The following MYO16 variants were observed in gnomAD, a reference collection of about 807,000 sequenced individuals.
MYO16 encodes myosin XVI, also known as unconventional myosin-XVI.
A neutral mutation model predicts 205.3 loss-of-function variants in MYO16; 94 were observed. That is an observed-to-expected ratio of 0.46 (90% confidence interval 0.39 to 0.54). MYO16 has a LOEUF of 0.54. MYO16 is among the 20% of genes least tolerant of loss of function. The pLI is 0.00. For synonymous variants in MYO16, 988 were observed against 954.0 expected (o/e 1.04, Z -0.66); for missense variants, 2,315 against 2,387.5 (o/e 0.97, Z 0.63).
intron 2 of MYO16, among the ~76,000 whole-genome samples, chr13:108,681,332 A>G (rs1248682596): frequency 6.6e-6 from 1 of 152,150 alleles, no homozygotes; most frequent in African/African-American, 2.4e-5. Flanking sequence ...TTTGCTCTTC[A>G]CCCTGCATGT....
chr13:108,561,303 C>A, the MYO16 span, among the ~76,000 whole-genome samples: 1 of 152,186 alleles, frequency 6.6e-6, no homozygotes, highest in Non-Finnish European at 1.5e-5. Flanking sequence ...AAGAGCATGA[C>A]TTGTTTACGT....
At chr13:108,855,334 T>C in intron 10 of MYO16, 109 bp from the exon 11 acceptor site, 1 of 476,488 alleles carries the variant, frequency 2.1e-6, no homozygotes, top group Non-Finnish European at 3.7e-6. Flanking sequence ...AGTTCCTAAC[T>C]CAGGTTGTCT....
chr13:108,693,814 A>G (rs1339186216), intron 2 of MYO16, among the ~76,000 whole-genome samples: 1 of 152,180 alleles, frequency 6.6e-6, no homozygotes, highest in Non-Finnish European at 1.5e-5. Flanking sequence ...ATCCAGGTAT[A>G]AAGCCTAGTA....
intron 34 of MYO16, among the ~76,000 whole-genome samples, chr13:109,197,007 G>A (rs1347335249): frequency 1.3e-5 from 2 of 152,064 alleles, no homozygotes; most frequent in East Asian, 1.9e-4. Flanking sequence ...TTTTTTCCGT[G>A]CCATCCCAAA....
chr13:109,051,831 G>A (rs1298209865), intron 24 of MYO16, among the ~76,000 whole-genome samples: 1 of 152,070 alleles, frequency 6.6e-6, no homozygotes, highest in Non-Finnish European at 1.5e-5. Context: ...AGCAACTGGT[G>A]CACCAAGTAA....
chr13:108,980,730 A>G (rs1350908138), intron 20 of MYO16, among the ~76,000 whole-genome samples: 4 of 152,246 alleles, frequency 2.6e-5, no homozygotes, highest in African/African-American at 9.6e-5. Flanking sequence ...AGTGGAAAAT[A>G]CATTTTCCAA....
At chr13:108,871,170 T>C (rs1383065191) in intron 12 of MYO16, among the ~76,000 whole-genome samples, 1 of 152,196 alleles carries the variant, frequency 6.6e-6, no homozygotes, top group Admixed American at 6.5e-5. Context: ...ATGATTTTTT[T>C]CAATGCTAAC....
chr13:108,536,336 G>C, the MYO16 span, among the ~76,000 whole-genome samples: 3 of 152,160 alleles, frequency 2.0e-5, no homozygotes, highest in Admixed American at 2.0e-4. Flanking sequence ...ATTCACAGTG[G>C]AATAAGTTTA....
chr13:108,535,069 T>TCTTCTTCTTCCC, the MYO16 span, among the ~76,000 whole-genome samples: 1 of 149,034 alleles, frequency 6.7e-6, no homozygotes, highest in African/African-American at 2.5e-5. Context: ...TTCTTCTTCC[T>TCTTCTTCTTCCC]CTTCTTCTTC....
Position 109,188,865 on chromosome 13 carries a change from G to A in MYO16, c.5415+9232G>A, listed in dbSNP as rs533217121. 1.4e-4 allele frequency among the ~76,000 whole-genome samples: 21 copies of A among 152,232 alleles called. No individual in the cohort carries two copies. The East Asian group carries it at 4.1e-3, about 29-fold the overall frequency. ...TCCCAGCACTTTGGGAGGCCGACTT[G>A]GGTGGATCACCTGAGGTCAGGAGTT... On this transcript the variant is annotated intron_variant, in intron 34 of 34. Coordinates refer to ENST00000457511, the MANE Select transcript of MYO16 (RefSeq NM_001198950.3).
chr13:109,140,716 C>G lies in MYO16; in HGVS notation c.4504C>G (p.Pro1502Ala). The change falls in exon 32 of 35, where the codon CCG becomes GCG. Residue 1502 changes from proline to alanine, a missense_variant. Around this residue, in one of 3 missense-constraint regions of MYO16, gnomAD observed 1,097 missense variants for 1,092.0 expected, o/e 1.00. Transcript: ENST00000457511. This position sits in a 1 kb window ranked among gnomAD's most constrained non-coding sequence, Gnocchi z 8.0. ...CCCAGGGGACGCGTGCGACATCCCG[C>G]CGCCCTTCCCCAACCTGCTGCCGCA... ...GPPGDACDIPPPFPNLLPHRP... is the reference protein window; with the variant it reads ...GPPGDACDIPAPFPNLLPHRP... 1 of 1,497,490 alleles carries G rather than the reference C, an allele frequency of 6.7e-7. No homozygotes were observed. The highest frequency in any genetic ancestry group is 8.9e-7 in the Non-Finnish European group (1 of 1,124,876). 92.8% of individuals were successfully genotyped at this position (1,497,490 alleles called of 1,614,324 possible).
At chr13:109,017,469 C>A (rs1885868566) in intron 22 of MYO16, among the ~76,000 whole-genome samples, 1 of 152,102 alleles carries the variant, frequency 6.6e-6, no homozygotes, top group African/African-American at 2.4e-5. Flanking sequence ...TGAGGAGTAT[C>A]TTTATGGTGT....
intron 2 of MYO16, among the ~76,000 whole-genome samples, chr13:108,688,878 A>C (rs1349980183): frequency 6.6e-6 from 1 of 152,218 alleles, no homozygotes; most frequent in Non-Finnish European, 1.5e-5. Flanking sequence ...GATGCAAGTC[A>C]AGTTAATGTC....
chr13:108,752,664 C>T (rs144378771), intron 4 of MYO16, among the ~76,000 whole-genome samples: 4,885 of 144,950 alleles, frequency 0.034, 278 homozygotes, highest in African/African-American at 0.12. Context: ...TTTTTTGAGA[C>T]GGAGTCTCAC....
intron 11 of MYO16, among the ~76,000 whole-genome samples, chr13:108,859,485 T>C (rs899952498): frequency 3.3e-5 from 5 of 152,102 alleles, no homozygotes; most frequent in Admixed American, 2.6e-4. Flanking sequence ...TACAGTCCGA[T>C]TTTTTTTATA....
chr13:109,009,928 G>A (rs143759280), intron 22 of MYO16, among the ~76,000 whole-genome samples: 2 of 152,168 alleles, frequency 1.3e-5, no homozygotes, highest in East Asian at 1.9e-4. Flanking sequence ...TCTTCAAACC[G>A]GCAGGACTGT....
intron 12 of MYO16, among the ~76,000 whole-genome samples, chr13:108,878,209 G>GA (rs1037208498): frequency 2.0e-5 from 3 of 152,070 alleles, no homozygotes; most frequent in African/African-American, 7.2e-5. Flanking sequence ...CCCTAAATGG[G>GA]AACAGATATT....
intron 16 of MYO16, among the ~76,000 whole-genome samples, chr13:108,911,022 G>A (rs1881232558): frequency 9.1e-6 from 1 of 109,290 alleles, no homozygotes; most frequent in East Asian, 2.2e-4. Flanking sequence ...GAAAAAGGAT[G>A]CTATAGGAGA....
At chr13:108,979,329 T>TAA (rs1162443510) in intron 20 of MYO16, among the ~76,000 whole-genome samples, 1 of 152,008 alleles carries the variant, frequency 6.6e-6, no homozygotes, top group Non-Finnish European at 1.5e-5. Flanking sequence ...TATCATCTCC[T>TAA]AAATACCTCT....
Sources: allele counts gnomAD v4.1 joint callset (sites outside exome capture counted in the v4.1 genomes callset), GRCh38; gene constraint gnomAD v4.1.1; regional missense constraint gnomAD v4.1.1; non-coding constraint Gnocchi (gnomAD v3.1); transcripts MANE v1.5; gene names NCBI Gene and HGNC (gene_info 2026-07-23, HGNC 2026-07-21).